LIMD1: variants seen among roughly 807,000 people sequenced by gnomAD.
The protein encoded by LIMD1 is LIM domain-containing protein 1.
LIMD1 carries 23 observed loss-of-function variants against 58.4 expected under a neutral mutation model. The observed-to-expected ratio is 0.39, with a 90% CI of 0.28 to 0.56. LIMD1 has a LOEUF of 0.56. Among genes scored for constraint, LIMD1 ranks in the 20% least tolerant of loss-of-function variants. The pLI, the probability that LIMD1 is intolerant of heterozygous loss-of-function variation, is 0.57. For synonymous variants in LIMD1, 334 were observed against 345.5 expected, an observed-to-expected ratio of 0.97 and a Z score of 0.37; for missense variants, 838 against 855.5, an observed-to-expected ratio of 0.98 and a Z score of 0.25.
chr3:45,657,219 C>T (rs1697349039), intron 2 of LIMD1, among the ~76,000 whole-genome samples: 1 of 152,158 alleles, frequency 6.6e-6, no homozygotes, highest in Admixed American at 6.5e-5. Flanking sequence ...AAGATACAAA[C>T]TTTAGCCTGT....
Position 45,677,190 on chromosome 3 carries a change from T to TGG in LIMD1, c.*136_*137dup. On this transcript the variant is annotated 3_prime_UTR_variant, in exon 8 of 8. Transcript: ENST00000273317. ...AGGAGGGAGAGTTCCTGTGAGCATG[T>TGG]GGGGGGTGCCTTTCCTTTAACCAGG... The TGG allele has an allele frequency of 1.0e-6, 1 of 998,456 alleles. No individual in the cohort carries two copies. The highest frequency in any genetic ancestry group is 2.5e-5 in the East Asian group (1 of 40,304). 61.8% of individuals were successfully genotyped at this position (998,456 alleles called of 1,614,324 possible).
chr3:45,640,200 C>G (rs61133550), intron 2 of LIMD1, among the ~76,000 whole-genome samples: 4 of 152,316 alleles, frequency 2.6e-5, no homozygotes, highest in Admixed American at 1.3e-4. Flanking sequence ...TTATCACTTC[C>G]TGTTTCCTAT....
At chr3:45,632,890 G>A (rs577546085) in intron 1 of LIMD1, among the ~76,000 whole-genome samples, 5 of 152,302 alleles carry the variant, frequency 3.3e-5, no homozygotes, top group East Asian at 3.9e-4. Context: ...CCAGGGTGAC[G>A]AGACCGCTTA....
At chr3:45,671,852 A>G (rs1697589627) in intron 4 of LIMD1, among the ~76,000 whole-genome samples, 1 of 152,192 alleles carries the variant, frequency 6.6e-6, no homozygotes, top group African/African-American at 2.4e-5. Flanking sequence ...TCTCACCTAA[A>G]AAGAGGCTTG....
intron 1 of LIMD1, among the ~76,000 whole-genome samples, chr3:45,596,954 C>T (rs1369159929): frequency 3.3e-5 from 5 of 151,568 alleles, no homozygotes; most frequent in East Asian, 1.9e-4. Context: ...CTCCGCCTCC[C>T]GGGTTCAAGC....
In LIMD1 at chr3:45,595,410, A is replaced by G. The variant is rs1485275918; in HGVS notation, c.531A>G (p.Gly177=). 1 of 1,614,014 alleles carries G rather than the reference A, an allele frequency of 6.2e-7. No homozygotes were observed. The highest frequency in any genetic ancestry group is 1.1e-5 in the South Asian group (1 of 91,078). Residue 177 remains glycine, a synonymous_variant, in exon 1 of 8, where the codon GGA becomes GGG. Transcript: ENST00000273317. ...PCEDPSCLTH[G]DYYDNLSLAS... ...AGGATCCTTCCTGCCTCACTCATGGAGACTATTATGACAACCTCTCCTTGG... is the reference window on the plus strand; with the variant it reads ...AGGATCCTTCCTGCCTCACTCATGGGGACTATTATGACAACCTCTCCTTGG...
At chr3:45,655,770 T>TCTG (rs1171276878) in intron 2 of LIMD1, among the ~76,000 whole-genome samples, 1 of 152,212 alleles carries the variant, frequency 6.6e-6, no homozygotes, top group African/African-American at 2.4e-5. Context: ...CCTTATTAGC[T>TCTG]CTGCCAAAGC....
intron 1 of LIMD1, among the ~76,000 whole-genome samples, chr3:45,614,427 AG>A (rs925873110): frequency 6.7e-6 from 1 of 149,204 alleles, no homozygotes; most frequent in African/African-American, 2.5e-5. Flanking sequence ...AAAAAAAAAA[AG>A]GAAATCCTCT....
chr3:45,632,354 T>C (rs1701742756), intron 1 of LIMD1: 1 of 189,148 alleles, frequency 5.3e-6, no homozygotes, highest in Admixed American at 6.5e-5. Flanking sequence ...TCCCCCATTG[T>C]CACATTTGAA....
At chr3:45,598,833 A>G (rs370708175) in intron 1 of LIMD1, among the ~76,000 whole-genome samples, 48 of 152,304 alleles carry the variant, frequency 3.2e-4, no homozygotes, top group East Asian at 1.2e-3. Context: ...GGCAGAGCAG[A>G]CAGCAAGCAC....
At chr3:45,635,745 A>G (rs1701779980) in intron 1 of LIMD1, 1 of 171,272 alleles carries the variant, frequency 5.8e-6, no homozygotes, top group Non-Finnish European at 9.8e-6. Context: ...AAAAAAAAAA[A>G]AAAAAAAAAA....
At chr3:45,656,399 A>G (rs1411140069) in intron 2 of LIMD1, among the ~76,000 whole-genome samples, 2 of 150,532 alleles carry the variant, frequency 1.3e-5, no homozygotes, top group African/African-American at 4.9e-5. Context: ...CAACTTTTCT[A>G]TTTAACTTTT....
intron 1 of LIMD1, among the ~76,000 whole-genome samples, chr3:45,622,180 C>T (rs990265807): frequency 6.6e-6 from 1 of 152,192 alleles, no homozygotes. Context: ...ATAAACTCTA[C>T]TCCCACTAGC....
chr3:45,656,718 A>C lies in LIMD1; in HGVS notation c.1511-8932A>C, dbSNP rs992375497. ...TTTTTAGTAGGGACGGGGTTTCACC[A>C]TGTTGGCCAGGATGGTCTTGGTCTC... On this transcript the variant is annotated intron_variant, in intron 2 of 7. Coordinates refer to ENST00000273317, the MANE Select transcript of LIMD1 (RefSeq NM_014240.3). Among the ~76,000 whole-genome samples the C allele has an allele frequency of 2.6e-5, 4 of 152,152 alleles. No homozygotes were observed. The South Asian group carries it at 8.3e-4, about 32-fold the overall frequency.
At chr3:45,653,121 A>G (rs998424256) in intron 2 of LIMD1, among the ~76,000 whole-genome samples, 40 of 152,202 alleles carry the variant, frequency 2.6e-4, no homozygotes, top group African/African-American at 9.7e-4. Context: ...TTTCTATATT[A>G]TTGTATTTTA....
At chr3:45,628,983 A>G (rs1400107672) in intron 1 of LIMD1, among the ~76,000 whole-genome samples, 2 of 152,228 alleles carry the variant, frequency 1.3e-5, no homozygotes, top group Non-Finnish European at 2.9e-5. Context: ...TGATGACAGA[A>G]AGCAGATCAG....
intron 2 of LIMD1, among the ~76,000 whole-genome samples, chr3:45,652,345 A>G (rs562433648): frequency 2.0e-5 from 3 of 152,354 alleles, no homozygotes; most frequent in South Asian, 2.1e-4. Flanking sequence ...TATAGAAACA[A>G]TAGCTTTTAA....
chr3:45,618,749 T>C (rs1352492408), intron 1 of LIMD1, among the ~76,000 whole-genome samples: 1 of 152,110 alleles, frequency 6.6e-6, no homozygotes, highest in Non-Finnish European at 1.5e-5. Context: ...GCCACAACGA[T>C]GCCCGAGGTC....
At chr3:45,654,812 C>CAAAAAA (rs1227980901) in intron 2 of LIMD1, among the ~76,000 whole-genome samples, 47 of 56,416 alleles carry the variant, frequency 8.3e-4, no homozygotes, top group African/African-American at 2.3e-3. Context: ...GACCCTGTCT[C>CAAAAAA]AAAAAAAAAA....
Sources: allele counts gnomAD v4.1 joint callset (sites outside exome capture counted in the v4.1 genomes callset), GRCh38; gene constraint gnomAD v4.1.1; transcripts MANE v1.5; gene names NCBI Gene and HGNC (gene_info 2026-07-23, HGNC 2026-07-21).